The following TAFA1 variants were observed in gnomAD, a reference collection of about 807,000 sequenced individuals.
The protein encoded by TAFA1 is TAFA chemokine like family member 1.
TAFA1 carries 4 observed loss-of-function variants against 18.5 expected under a neutral mutation model. The observed-to-expected ratio is 0.22, with a 90% confidence interval of 0.11 to 0.49. TAFA1 has a LOEUF of 0.49. TAFA1 is among the 20% of genes least tolerant of loss of function. The pLI is 0.98. For synonymous variants in TAFA1, 56 were observed against 55.2 expected, an observed-to-expected ratio of 1.01 and a Z score of -0.06; for missense variants, 147 against 169.0, an observed-to-expected ratio of 0.87 and a Z score of 0.72.
chr3:68,490,647 T>C (rs1207884544), intron 3 of TAFA1, among the ~76,000 whole-genome samples: 1 of 151,946 alleles, frequency 6.6e-6, no homozygotes, highest in Non-Finnish European at 1.5e-5. Flanking sequence ...TTCTTGCTAA[T>C]TTTTTTTGTT....
At chr3:68,351,414 C>G (rs1203709931) in intron 2 of TAFA1, among the ~76,000 whole-genome samples, 3 of 152,010 alleles carry the variant, frequency 2.0e-5, no homozygotes, top group African/African-American at 7.2e-5. Flanking sequence ...GTGTATTAAG[C>G]AGATTCAATG....
intron 4 of TAFA1, among the ~76,000 whole-genome samples, chr3:68,541,467 A>G: frequency 6.6e-6 from 1 of 152,194 alleles, no homozygotes; most frequent in East Asian, 1.9e-4. Context: ...GAGCACAAAT[A>G]TGCTTACTCA....
chr3:68,028,975 A>G (rs886744715), intron 2 of TAFA1, among the ~76,000 whole-genome samples: 7 of 151,306 alleles, frequency 4.6e-5, no homozygotes, highest in African/African-American at 1.5e-4. Context: ...CTGTTCTCGA[A>G]CTCCTGAGCT....
At chr3:68,155,623 C>T (rs900340958) in intron 2 of TAFA1, among the ~76,000 whole-genome samples, 9 of 151,954 alleles carry the variant, frequency 5.9e-5, no homozygotes, top group Admixed American at 3.3e-4. Flanking sequence ...GATCTATGAG[C>T]GTCATAGCCA....
intron 2 of TAFA1, among the ~76,000 whole-genome samples, chr3:68,392,755 T>A (rs566127488): frequency 6.6e-6 from 1 of 152,230 alleles, no homozygotes; most frequent in African/African-American, 2.4e-5. Context: ...TCCTGAATGA[T>A]TGCTAAGTAA....
rs3037727 is a variant in TAFA1 at position 68,024,805 on chromosome 3, G to GCACACACACACACA, written c.118+18076_118+18089dup. ...GGACTCTCTAGACCATCTCCTTAAT[G>GCACACACACACACA]CACACACACACACACACACACACAC... On this transcript the variant is annotated intron_variant, in intron 2 of 4. Transcript: ENST00000478136. 3.0e-3 allele frequency among the ~76,000 whole-genome samples: 222 copies of GCACACACACACACA among 73,642 alleles called. 2 individuals carry two copies. Among genetic ancestry groups the GCACACACACACACA allele is most frequent in the Admixed American group, 8.0e-3 (57 of 7,156 alleles). The allele number at this position is 73,642 out of a possible 152,430, so 48.3% of individuals were successfully genotyped here.
chr3:68,018,822 G>T (rs558868281), intron 2 of TAFA1, among the ~76,000 whole-genome samples: 5 of 152,194 alleles, frequency 3.3e-5, no homozygotes, highest in Non-Finnish European at 7.4e-5. Flanking sequence ...CACCTAGCTT[G>T]GGAGGGCAAG....
intron 2 of TAFA1, among the ~76,000 whole-genome samples, chr3:68,274,952 A>G (rs1433209259): frequency 1.3e-5 from 2 of 152,164 alleles, no homozygotes; most frequent in African/African-American, 4.8e-5. Flanking sequence ...TACAATTTGC[A>G]AAACAGAAGC....
At chr3:68,254,159 G>GTCTA (rs1178300782) in intron 2 of TAFA1, among the ~76,000 whole-genome samples, 2,091 of 119,600 alleles carry the variant, frequency 0.017, 40 homozygotes, top group African/African-American at 0.053. Context: ...CTATCTATCT[G>GTCTA]TCTATCTATC....
intron 3 of TAFA1, among the ~76,000 whole-genome samples, chr3:68,439,879 A>G (rs1375614861): frequency 2.0e-5 from 3 of 152,158 alleles, no homozygotes; most frequent in Non-Finnish European, 4.4e-5. Flanking sequence ...CTGAGATCAT[A>G]CATAATCTTC....
At chr3:68,441,464 A>T (rs2071378960) in intron 3 of TAFA1, among the ~76,000 whole-genome samples, 1 of 152,180 alleles carries the variant, frequency 6.6e-6, no homozygotes, top group Admixed American at 6.5e-5. Flanking sequence ...TTGGCCTGTT[A>T]CTGGGCTTTG....
intron 2 of TAFA1, among the ~76,000 whole-genome samples, chr3:68,069,089 G>T (rs1261145018): frequency 6.6e-6 from 1 of 152,172 alleles, no homozygotes; most frequent in Non-Finnish European, 1.5e-5. Context: ...TTGTAATGAA[G>T]GTGTTGCTAA....
chr3:68,108,199 C>G (rs191150877), intron 2 of TAFA1, among the ~76,000 whole-genome samples: 2 of 152,118 alleles, frequency 1.3e-5, no homozygotes, highest in African/African-American at 4.8e-5. Flanking sequence ...TTTTTGTCCT[C>G]TAAAGTGTTT....
At chr3:68,217,610 G>A (rs1481601899) in intron 2 of TAFA1, among the ~76,000 whole-genome samples, 2 of 151,966 alleles carry the variant, frequency 1.3e-5, no homozygotes, top group Admixed American at 6.6e-5. Flanking sequence ...TGTAAGAAGT[G>A]TACCATACTA....
intron 2 of TAFA1, among the ~76,000 whole-genome samples, chr3:68,037,363 C>T (rs1178118599): frequency 6.6e-6 from 1 of 152,120 alleles, no homozygotes; most frequent in Non-Finnish European, 1.5e-5. Context: ...AGAATTTGTA[C>T]TTTTATCTTA....
At chr3:68,269,844 C>G (rs1159865314) in intron 2 of TAFA1, among the ~76,000 whole-genome samples, 1 of 152,110 alleles carries the variant, frequency 6.6e-6, no homozygotes, top group Non-Finnish European at 1.5e-5. Flanking sequence ...TTGAAGGATT[C>G]TTTTTTTAAT....
chr3:68,026,672 G>A (rs1306577278), intron 2 of TAFA1, among the ~76,000 whole-genome samples: 1 of 152,096 alleles, frequency 6.6e-6, no homozygotes, highest in Non-Finnish European at 1.5e-5. Context: ...ATGTCTCACA[G>A]CTAGTAAAGG....
intron 2 of TAFA1, among the ~76,000 whole-genome samples, chr3:68,310,694 T>TATAATCATGCTGTTTATATTTGAA (rs1429812557): frequency 1.3e-5 from 2 of 152,228 alleles, no homozygotes; most frequent in Non-Finnish European, 2.9e-5. Flanking sequence ...CTATGATCAA[T>TATAATCATGCTGTTTATATTTGAA]ATAATCATGC....
intron 2 of TAFA1, among the ~76,000 whole-genome samples, chr3:68,413,145 T>C (rs941041952): frequency 2.0e-5 from 3 of 152,240 alleles, no homozygotes; most frequent in Non-Finnish European, 4.4e-5. Flanking sequence ...GAGCATTTTT[T>C]CATGTGTCTG....
Sources: allele counts gnomAD v4.1 joint callset (sites outside exome capture counted in the v4.1 genomes callset), GRCh38; gene constraint gnomAD v4.1.1; transcripts MANE v1.5; gene names NCBI Gene and HGNC (gene_info 2026-07-23, HGNC 2026-07-21).